RPL23A: variants seen among roughly 807,000 people sequenced by gnomAD.
RPL23A encodes the protein large ribosomal subunit protein uL23.
Under a neutral mutation model 17.6 loss-of-function variants are expected in RPL23A, and 2 were observed. The ratio of observed to expected loss-of-function variants is 0.11; its 90% CI spans 0.05 to 0.36. The LOEUF is 0.36. Ranked by LOEUF, RPL23A falls within the 10% of genes least tolerant of loss-of-function variation. The pLI is 1.00. For missense variants in RPL23A, 132 were observed against 194.4 expected, an observed-to-expected ratio of 0.68 and a Z score of 1.91; for synonymous variants, 65 against 74.3, an observed-to-expected ratio of 0.87 and a Z score of 0.65.
chr17:28,719,989 G>A lies in RPL23A; in HGVS notation c.-17G>A, dbSNP rs891509006. The A allele has an allele frequency of 1.3e-6, 2 of 1,551,912 alleles. No individual in the cohort carries two copies. The highest frequency in any genetic ancestry group is 1.2e-5 in the South Asian group (1 of 84,042). On this transcript the variant is annotated 5_prime_UTR_variant, in exon 1 of 5. Coordinates refer to ENST00000422514, the MANE Select transcript of RPL23A (RefSeq NM_000984.6). ...TATAAGCCCGTGGGAACGAGCATTG[G>A]AGACCCTTTTCACAAGATGGCGCCG...
rs1186805739 is a variant in RPL23A, at chr17:28,724,250, G to C, written c.*369G>C. 1.8e-6 allele frequency: 1 copy of C among 548,580 alleles called. No individual in the cohort carries two copies. The highest frequency in any genetic ancestry group is 3.2e-6 in the Non-Finnish European group (1 of 309,290). The allele number at this position is 548,580 out of a possible 1,614,324, so 34.0% of individuals were successfully genotyped here. A position where few individuals can be genotyped will look rare whatever the true frequency, so the allele number is the denominator to read the frequency against. On this transcript the variant is annotated 3_prime_UTR_variant, in exon 5 of 5. Coordinates refer to ENST00000422514, the MANE Select transcript of RPL23A (RefSeq NM_000984.6). ...ATCCATTTCAGGGGAGTGTGGATTG[G>C]CTGGCTCTCTGGTAGCATTTTGTCC...
rs771105556 is a variant in RPL23A at position 28,722,741 on chromosome 17, C to T, written c.228C>T (p.Ile76=). 9 of 1,613,986 alleles carry T rather than the reference C, an allele frequency of 5.6e-6. No individual in the cohort carries two copies. Among genetic ancestry groups the T allele is most frequent in the Non-Finnish European group, 7.6e-6 (9 of 1,179,990 alleles). ...PRRNKLDHYA[I]IKFPLTTESA... is the part of the protein sequence containing the mutation. ...CTCCCAGGCTTGACCACTATGCTAT[C>T]ATCAAGTTTCCGCTGACCACTGAGT... Residue 76 remains isoleucine (I), a synonymous_variant, in exon 3 of 5, where the codon ATC becomes ATT. Transcript: ENST00000422514.
At chr17:28,720,128 G>A in intron 1 of RPL23A, 98 bp downstream of exon 1, 1 of 1,527,570 alleles carries the variant, frequency 6.5e-7, no homozygotes, top group Non-Finnish European at 8.9e-7. Flanking sequence ...AGCCCTGAGG[G>A]CTCTGCTCCG....
intron 2 of RPL23A, chr17:28,721,163 A>C (rs2034107790): frequency 3.1e-6 from 1 of 319,780 alleles, no homozygotes; most frequent in Admixed American, 4.5e-5. Context: ...GACCAGCCTG[A>C]GTGACATGGA....
rs546580315 is a variant in RPL23A at position 28,722,638 on chromosome 17, C to T, written c.210-85C>T. On this transcript the variant is annotated intron_variant, in intron 2 of 4. Coordinates refer to ENST00000422514, the MANE Select transcript of RPL23A (RefSeq NM_000984.6). ...AGTCTGAACAAAGTGATTGGTACCT[C>T]GTTGTCTGATGCACCTAGGCTCTCC... is the stretch of plus-strand genomic sequence containing the variant. 4.1e-5 allele frequency: 44 copies of T among 1,083,262 alleles called. No homozygotes were observed. The South Asian group carries it at 4.1e-4, about 10-fold the overall frequency. 67.1% of individuals were successfully genotyped at this position (1,083,262 alleles called of 1,614,324 possible). A position where few individuals can be genotyped will look rare whatever the true frequency, so the allele number is the denominator to read the frequency against.
chr17:28,721,127 C>T (rs1338291644), intron 2 of RPL23A: 1 of 404,668 alleles, frequency 2.5e-6, no homozygotes. Flanking sequence ...CGAGGGGGGG[C>T]GGATCACTTG....
chr17:28,723,084 C>T (rs182941588), intron 3 of RPL23A, among the ~76,000 whole-genome samples, 185 bp downstream of exon 3: 2 of 150,208 alleles, frequency 1.3e-5, no homozygotes, highest in East Asian at 1.9e-4. Flanking sequence ...CATTGTACTC[C>T]AGCCTGAGCA....
chr17:28,722,855 G>T lies in RPL23A; in HGVS notation c.342G>T (p.Lys114Asn). ...ANKHQIKQAV[K>N]KLYDIDVAKV... is the part of the protein sequence containing the mutation. ...AGCACCAGATTAAACAGGCTGTGAA[G>T]AAGCTGTATGACATTGATGTGGCCA... The change falls in exon 3 of 5, where the codon AAG (lysine) becomes AAT (asparagine). Residue 114 changes from lysine (K) to asparagine (N), a missense_variant. Coordinates refer to ENST00000422514, the MANE Select transcript of RPL23A (RefSeq NM_000984.6). 1.2e-6 allele frequency: 2 copies of T among 1,613,974 alleles called. No individual in the cohort carries two copies. Among genetic ancestry groups the T allele is most frequent in the South Asian group, 1.1e-5 (1 of 91,074 alleles).
intron 1 of RPL23A, 46 bp downstream of exon 1, chr17:28,720,076 G>C (rs1044794588): frequency 6.5e-7 from 1 of 1,549,180 alleles, no homozygotes. Context: ...GGGGATTGCC[G>C]CGCCGCAGAG....
In RPL23A at chr17:28,723,883, C is replaced by T. The variant is rs184723212; in HGVS notation, c.*2C>T. On this transcript the variant is annotated 3_prime_UTR_variant, in exon 5 of 5. Coordinates refer to ENST00000422514, the MANE Select transcript of RPL23A (RefSeq NM_000984.6). ...GTTTTTCAGATTGGGATCATCTAAA[C>T]TGAGTCCAGCTGCCTAATTCTGAAT... is the stretch of plus-strand genomic sequence containing the variant. 1.6e-5 allele frequency: 25 copies of T among 1,593,342 alleles called. No homozygotes were observed. The East Asian group carries it at 5.6e-4, about 36-fold the overall frequency.
chr17:28,722,630 T>G (rs779640197), intron 2 of RPL23A, 93 bp from the exon 3 acceptor site: 3 of 1,022,302 alleles, frequency 2.9e-6, no homozygotes, highest in Non-Finnish European at 4.7e-6. Context: ...ACAAAGTGAT[T>G]GGTACCTCGT....
Position 28,723,494 on chromosome 17 carries a change from G to A in RPL23A, c.387-77G>A, listed in dbSNP as rs188817711. On this transcript the variant is annotated intron_variant, in intron 3 of 4. Transcript: ENST00000422514. ...TGAACAAAGGAACCACTGAAGTGCC[G>A]GAGGACTGGAGGAGGAAGGGGGAGG... 61 of 997,546 alleles carry A rather than the reference G, an allele frequency of 6.1e-5. No individual in the cohort carries two copies. In the Admixed American group the frequency reaches 7.6e-4, roughly 12 times the overall value. 61.8% of individuals were successfully genotyped at this position (997,546 alleles called of 1,614,324 possible). A position where few individuals can be genotyped will look rare whatever the true frequency, so the allele number is the denominator to read the frequency against.
intron 2 of RPL23A, chr17:28,721,640 C>T (rs1381883596): frequency 2.6e-5 from 4 of 152,076 alleles, no homozygotes; most frequent in Non-Finnish European, 5.9e-5. Flanking sequence ...GCTCAAGGAA[C>T]AGTTGGGGGG....
intron 2 of RPL23A, chr17:28,721,210 G>A (rs1428048091): frequency 3.8e-6 from 1 of 261,372 alleles, no homozygotes; most frequent in South Asian, 4.0e-5. Context: ...AAATTCGCCG[G>A]GCATGGTGGC....
At chr17:28,721,626 T>A (rs916608795) in intron 2 of RPL23A, 1 of 152,148 alleles carries the variant, frequency 6.6e-6, no homozygotes, top group Non-Finnish European at 1.5e-5. Flanking sequence ...CGAATTTTCA[T>A]ACTGCTCAAG....
intron 2 of RPL23A, chr17:28,722,496 A>G (rs754383133): frequency 2.9e-6 from 2 of 679,560 alleles, no homozygotes; most frequent in Non-Finnish European, 5.6e-6. Flanking sequence ...TTCTTTAATC[A>G]CTTGAGGTTG....
rs940875094 is a variant in RPL23A, at chr17:28,722,080, C to T, written c.210-643C>T. On this transcript the variant is annotated intron_variant, in intron 2 of 4. Transcript: ENST00000422514. ...CTAACACGGTGAAACCCCGTCTCTACTAAAAATACAAAAAAAATTAGCCGG... is the reference window on the plus strand; with the variant it reads ...CTAACACGGTGAAACCCCGTCTCTATTAAAAATACAAAAAAAATTAGCCGG... Among the ~76,000 whole-genome samples the T allele has an allele frequency of 5.9e-5, 9 of 151,596 alleles. No homozygotes were observed. In the South Asian group the frequency reaches 1.3e-3, roughly 21 times the overall value.
rs760001111 is a variant in RPL23A, at chr17:28,720,700, C to T, written c.26-7C>T. The T allele has an allele frequency of 6.2e-6, 10 of 1,614,114 alleles. No individual in the cohort carries two copies. The highest frequency in any genetic ancestry group is 2.2e-5 in the South Asian group (2 of 91,088). On this transcript the variant is annotated splice_polypyrimidine_tract_variant and splice_region_variant and intron_variant, in intron 1 of 4. Transcript: ENST00000422514. ...CCGCACCCACGTTTTCTTTCCTTTTCTCCCAGCTCCTGCCCCTCCTAAAGC... is the reference window on the plus strand; with the variant it reads ...CCGCACCCACGTTTTCTTTCCTTTTTTCCCAGCTCCTGCCCCTCCTAAAGC...
chr17:28,723,943 C>G lies in RPL23A; in HGVS notation c.*62C>G, dbSNP rs2034164547. 8.2e-7 allele frequency: 1 copy of G among 1,221,656 alleles called. No individual in the cohort carries two copies. The highest frequency in any genetic ancestry group is 1.6e-5 in the African/African-American group (1 of 64,278). The allele number at this position is 1,221,656 out of a possible 1,614,324, so 75.7% of individuals were successfully genotyped here. ...TATATATCTTTTCACCATATACATG[C>G]CTGTCTGTCAATTTCTGGTTGGGCT... On this transcript the variant is annotated 3_prime_UTR_variant, in exon 5 of 5. Coordinates refer to ENST00000422514, the MANE Select transcript of RPL23A (RefSeq NM_000984.6).
Sources: gnomAD v4.1 joint callset for allele counts (sites outside exome capture counted in the v4.1 genomes callset) on GRCh38, gnomAD v4.1.1 for gene constraint, MANE v1.5 for transcripts, NCBI Gene and HGNC (gene_info 2026-07-23, HGNC 2026-07-21) for gene names.